Variants in VPS13D observed in about 807,000 individuals in gnomAD.
VPS13D encodes vacuolar protein sorting 13 homolog D.
Under a neutral mutation model 461.9 loss-of-function variants are expected in VPS13D, and 187 were observed. The observed-to-expected ratio is 0.40, with a 90% CI of 0.36 to 0.46. The LOEUF (loss-of-function observed/expected upper bound fraction) is 0.46, where lower values mean the gene tolerates loss of function less well. Ranked by LOEUF, VPS13D falls within the 20% of genes least tolerant of loss-of-function variation. The probability of loss-of-function intolerance (pLI) is 0.60; values close to 1 mark genes in which losing one functional copy is unlikely to be tolerated. For missense variants in VPS13D, 4,711 were observed against 5,364.9 expected (o/e 0.88, Z 3.81); for synonymous variants, 1,951 against 1,986.3 (o/e 0.98, Z 0.47).
intron 67 of VPS13D, 42 bp from the exon 68 acceptor site, chr1:12,497,458 G>A (rs201464329): frequency 6.3e-7 from 1 of 1,576,472 alleles, no homozygotes. Flanking sequence ...ATTTTAACCT[G>A]CACACTTAAC....
chr1:12,311,356 G>T, intron 27 of VPS13D, 98 bp from the exon 28 acceptor site: 1 of 1,132,436 alleles, frequency 8.8e-7, no homozygotes, highest in Non-Finnish European at 1.2e-6. Context: ...ACTTGATAAT[G>T]TAGGTGAGTA....
At chr1:12,272,869 G>C in intron 17 of VPS13D, 134 bp from the exon 18 acceptor site, 1 of 1,271,566 alleles carries the variant, frequency 7.9e-7, no homozygotes, top group Middle Eastern at 2.0e-4. Flanking sequence ...TTTTGTCTTA[G>C]ACTTTTTGCT....
rs1213729885 is a variant in VPS13D, at chr1:12,369,596, G to T, written c.10702G>T (p.Gly3568Trp). Residue 3568 changes from glycine to tryptophan, a missense_variant, in exon 54 of 70, where the codon GGG becomes TGG. Gly to Trp is a radical substitution (Grantham distance 184). This residue lies in a region of VPS13D where 4,411 missense variants were observed against 4,937.8 expected (regional missense o/e 0.89). Coordinates refer to ENST00000620676, the MANE Select transcript of VPS13D (RefSeq NM_015378.4). ...ACCTTTTATCACTCTGACTGTTAAA[G>T]GGGCAGGGTCCTCTGAGATCAACTG... ...LPPFITLTVK[G>W]AGSSEINCNM... is the part of the protein sequence containing the mutation. 9 of 1,614,056 alleles carry T rather than the reference G, an allele frequency of 5.6e-6. No homozygotes were observed. Among genetic ancestry groups the T allele is most frequent in the Middle Eastern group, 3.3e-4 (2 of 6,084 alleles).
chr1:12,232,879 A>G (rs181737477), intron 1 of VPS13D, among the ~76,000 whole-genome samples: 2 of 152,000 alleles, frequency 1.3e-5, no homozygotes, highest in African/African-American at 2.4e-5. Context: ...TCCCATGTAT[A>G]TTATTTTATA....
At chr1:12,406,363 T>C (rs895680512) in intron 63 of VPS13D, among the ~76,000 whole-genome samples, 2 of 152,096 alleles carry the variant, frequency 1.3e-5, no homozygotes, top group Admixed American at 6.5e-5. Context: ...TGGCTAAAAG[T>C]GTGTGCTTAG....
At chr1:12,339,762 G>C (rs1471174050) in intron 40 of VPS13D, among the ~76,000 whole-genome samples, 6 of 152,176 alleles carry the variant, frequency 3.9e-5, no homozygotes, top group Non-Finnish European at 8.8e-5. Flanking sequence ...TGAAGCCTGT[G>C]CCATTATGTC....
rs557381604 is a variant in VPS13D at position 12,500,052 on chromosome 1, C to T, written c.12794+2421C>T. The T allele has an allele frequency of 1.8e-5, 18 of 985,350 alleles. No homozygotes were observed. The Admixed American group carries it at 1.1e-3, about 61-fold the overall frequency. 61.0% of individuals were successfully genotyped at this position (985,350 alleles called of 1,614,324 possible). A position where few individuals can be genotyped will look rare whatever the true frequency, so the allele number is the denominator to read the frequency against. On this transcript the variant is annotated intron_variant, in intron 68 of 69. Coordinates refer to ENST00000620676, the MANE Select transcript of VPS13D (RefSeq NM_015378.4). The stretch of plus-strand genomic sequence containing the variant: ...GTTTCCACATTTTTTTCCAGTTAGG[C>T]TCACTGTTTCACTTCTGGAAAATAT...
intron 65 of VPS13D, among the ~76,000 whole-genome samples, chr1:12,418,316 C>A (rs1644821367): frequency 6.6e-6 from 1 of 152,198 alleles, no homozygotes; most frequent in Non-Finnish European, 1.5e-5. Flanking sequence ...CTTTCTCACA[C>A]TCCCATGTTC....
chr1:12,426,764 C>T (rs940380191), intron 65 of VPS13D, among the ~76,000 whole-genome samples: 9 of 152,124 alleles, frequency 5.9e-5, no homozygotes, highest in Admixed American at 4.6e-4. Context: ...CACCTGCAAT[C>T]CCAGCACCTT....
At chr1:12,455,199 G>A (rs1043322033) in intron 65 of VPS13D, among the ~76,000 whole-genome samples, 7 of 152,160 alleles carry the variant, frequency 4.6e-5, no homozygotes, top group Non-Finnish European at 1.0e-4. Flanking sequence ...TTTGGCTTTT[G>A]ACAAATGGAG....
intron 67 of VPS13D, 92 bp from the exon 68 acceptor site, chr1:12,497,408 G>T: frequency 6.9e-7 from 1 of 1,444,270 alleles, no homozygotes. Context: ...AGTATGTCTC[G>T]TATTACAGAG....
At chr1:12,499,442 C>T (rs890806251) in intron 68 of VPS13D, 16 of 985,098 alleles carry the variant, frequency 1.6e-5, no homozygotes, top group South Asian at 4.7e-5. Context: ...CTATTCAAGT[C>T]GAACTATCTC....
chr1:12,388,166 A>G (rs1051089049), intron 60 of VPS13D, among the ~76,000 whole-genome samples: 7 of 152,384 alleles, frequency 4.6e-5, no homozygotes, highest in Admixed American at 1.3e-4. Context: ...GTAATCTTAT[A>G]CATGATGTGG....
At position 12,508,935 on chromosome 1, in the gene VPS13D, G is replaced by A; in HGVS notation, c.13078G>A (p.Glu4360Lys). The A allele has an allele frequency of 1.2e-6, 2 of 1,614,186 alleles. No individual in the cohort carries two copies. Among genetic ancestry groups the A allele is most frequent in the East Asian group, 2.2e-5 (1 of 44,884 alleles). Residue 4360 changes from glutamate (E) to lysine (K), a missense_variant, in exon 70 of 70, where the codon GAA becomes AAA. Glu to Lys is a moderately conservative substitution (Grantham distance 56). Transcript: ENST00000620676. ...SEVLAVKLSQ[E>K]INYAKSLYYE... ...GGTCCTTGCTGTCAAGTTGTCACAA[G>A]AAATAAACTACGCAAAGAGCCTCTA...
chr1:12,311,381 T>A, intron 27 of VPS13D, 73 bp from the exon 28 acceptor site: 1 of 1,429,666 alleles, frequency 7.0e-7, no homozygotes, highest in Non-Finnish European at 9.4e-7. Flanking sequence ...TTAGCCCCGT[T>A]GTTTGGGCGT....
chr1:12,254,286 C>T (rs764922393), intron 7 of VPS13D, among the ~76,000 whole-genome samples: 1 of 152,122 alleles, frequency 6.6e-6, no homozygotes, highest in Non-Finnish European at 1.5e-5. Context: ...AGCAATCCTC[C>T]TGCTTTGGCC....
chr1:12,500,208 T>C, intron 68 of VPS13D: 15 of 984,446 alleles, frequency 1.5e-5, no homozygotes, highest in Non-Finnish European at 1.8e-5. Context: ...ATTAAAAAGA[T>C]AGTTACCAAC....
At chr1:12,335,160 A>T (rs1384491971) in intron 38 of VPS13D, among the ~76,000 whole-genome samples, 1 of 152,118 alleles carries the variant, frequency 6.6e-6, no homozygotes, top group East Asian at 1.9e-4. Flanking sequence ...TCCACCTCCT[A>T]GGTTCAAGCG....
chr1:12,344,966 A>G (rs1270080761), intron 42 of VPS13D: 4 of 159,116 alleles, frequency 2.5e-5, no homozygotes, highest in Admixed American at 6.0e-5. Flanking sequence ...GCGAATTAGG[A>G]TTTCAACAAA....
Sources: gnomAD v4.1 joint callset for allele counts (sites outside exome capture counted in the v4.1 genomes callset) on GRCh38, gnomAD v4.1.1 for gene constraint, gnomAD v4.1.1 regional missense constraint, MANE v1.5 for transcripts, NCBI Gene and HGNC (gene_info 2026-07-23, HGNC 2026-07-21) for gene names.